The following EPN2 variants were observed in gnomAD, a reference collection of about 807,000 sequenced individuals.
EPN2 encodes the protein epsin-2.
In EPN2, 34 loss-of-function variants were observed where a neutral mutation model predicts 61.7. The observed-to-expected ratio is 0.55, with a 90% confidence interval of 0.42 to 0.73. The LOEUF (loss-of-function observed/expected upper bound fraction) is 0.73, where lower values mean the gene tolerates loss of function less well. Ranked by LOEUF, EPN2 falls within the 30% of genes least tolerant of loss-of-function variation. EPN2 has a pLI of 0.00. For missense variants in EPN2, 714 were observed against 839.2 expected, an observed-to-expected ratio of 0.85 and a Z score of 1.84; for synonymous variants, 349 against 353.6, an observed-to-expected ratio of 0.99 and a Z score of 0.15.
chr17:19,287,287 G>A (rs960657422), intron 4 of EPN2, among the ~76,000 whole-genome samples: 10 of 152,012 alleles, frequency 6.6e-5, no homozygotes, highest in Non-Finnish European at 1.2e-4. Flanking sequence ...TATCCACCCC[G>A]TGTGGATTTA....
chr17:19,238,539 CTG>C (rs1413087848), intron 1 of EPN2, among the ~76,000 whole-genome samples: 1 of 152,164 alleles, frequency 6.6e-6, no homozygotes, highest in African/African-American at 2.4e-5. Context: ...TATCTAAAAT[CTG>C]TGCTTTAAGA....
chr17:19,239,753 G>GAGCT (rs1382602328), intron 1 of EPN2, among the ~76,000 whole-genome samples: 1 of 152,236 alleles, frequency 6.6e-6, no homozygotes, highest in Non-Finnish European at 1.5e-5. Flanking sequence ...GCCAGATGGA[G>GAGCT]AGCTCTGTGG....
chr17:19,308,453 C>G, intron 4 of EPN2: 2 of 982,254 alleles, frequency 2.0e-6, no homozygotes, highest in Non-Finnish European at 2.4e-6. Flanking sequence ...GTGCATGCAC[C>G]TGTCTGTGCA....
At chr17:19,256,099 G>A (rs1432310412) in intron 1 of EPN2, among the ~76,000 whole-genome samples, 1 of 151,704 alleles carries the variant, frequency 6.6e-6, no homozygotes, top group Non-Finnish European at 1.5e-5. Flanking sequence ...CACCACGCCC[G>A]GCTAATTTTT....
chr17:19,311,903 T>G, intron 5 of EPN2, 149 bp from the exon 6 acceptor site: 1 of 668,134 alleles, frequency 1.5e-6, no homozygotes, highest in Non-Finnish European at 2.7e-6. Flanking sequence ...ACATTTGGGA[T>G]TTGAAAGTAA....
chr17:19,237,775 C>T (rs910319116), intron 1 of EPN2, among the ~76,000 whole-genome samples: 1 of 152,092 alleles, frequency 6.6e-6, no homozygotes, highest in Non-Finnish European at 1.5e-5. Flanking sequence ...CAGCTTTCCG[C>T]TGCAAGGATC....
intron 7 of EPN2, among the ~76,000 whole-genome samples, chr17:19,324,036 C>T (rs978258069): frequency 2.6e-5 from 4 of 152,148 alleles, no homozygotes; most frequent in South Asian, 2.1e-4. Flanking sequence ...AAAATTTGAG[C>T]GGCACAATCC....
chr17:19,324,755 G>A (rs1034449947), intron 7 of EPN2, among the ~76,000 whole-genome samples: 7 of 152,094 alleles, frequency 4.6e-5, no homozygotes, highest in Non-Finnish European at 7.3e-5. Context: ...TTACACTGAC[G>A]TAAAATAAAA....
chr17:19,311,303 T>C (rs916597108), intron 5 of EPN2, among the ~76,000 whole-genome samples: 3 of 151,934 alleles, frequency 2.0e-5, no homozygotes, highest in Admixed American at 1.3e-4. Flanking sequence ...CTGAGAAACA[T>C]AGGGACAGAC....
At chr17:19,315,704 C>CA (rs1906351547) in intron 7 of EPN2, among the ~76,000 whole-genome samples, 1 of 152,066 alleles carries the variant, frequency 6.6e-6, no homozygotes, top group South Asian at 2.1e-4. Context: ...GGGCTGGTCT[C>CA]AAACTCCTGA....
rs961741773 is a variant in EPN2 at position 19,285,890 on chromosome 17, C to T, written c.766+100C>T. 31 of 1,410,278 alleles carry T rather than the reference C, an allele frequency of 2.2e-5. No individual in the cohort carries two copies. Among genetic ancestry groups the T allele is most frequent in the Middle Eastern group, 2.4e-4 (1 of 4,232 alleles). The allele number at this position is 1,410,278 out of a possible 1,614,324, so 87.4% of individuals were successfully genotyped here. ...ACAGCCAACTCTCTCCCTGTCTCCT[C>T]TGGGCCTGGGGGTTTGGCCTCCAGC... On this transcript the variant is annotated intron_variant, in intron 4 of 10. Transcript: ENST00000314728. The surrounding 1 kb of genome is among the most constrained non-coding windows in gnomAD (Gnocchi z 4.5).
chr17:19,269,280 A>C (rs2045231250), intron 1 of EPN2, among the ~76,000 whole-genome samples: 2 of 152,204 alleles, frequency 1.3e-5, no homozygotes, highest in South Asian at 4.1e-4. Context: ...AGTAAATAAA[A>C]CACTGGGAAT....
chr17:19,311,372 A>G (rs780786632), intron 5 of EPN2, among the ~76,000 whole-genome samples: 1 of 152,156 alleles, frequency 6.6e-6, no homozygotes, highest in African/African-American at 2.4e-5. Context: ...AGCAAGTTCA[A>G]ACTCCCGTGC....
intron 9 of EPN2, 36 bp from the exon 10 acceptor site, chr17:19,331,817 C>G (rs767498207): frequency 6.4e-7 from 1 of 1,572,874 alleles, no homozygotes; most frequent in Admixed American, 1.7e-5. Context: ...CTCTCCCTGC[C>G]ACACTCACCC....
chr17:19,302,496 A>T (rs1359668470), intron 4 of EPN2, among the ~76,000 whole-genome samples: 1 of 152,176 alleles, frequency 6.6e-6, no homozygotes, highest in African/African-American at 2.4e-5. Flanking sequence ...TGTGAACTGC[A>T]CATGTGAGGG....
At chr17:19,294,957 TA>T (rs1343511648) in intron 4 of EPN2, among the ~76,000 whole-genome samples, 6 of 151,254 alleles carry the variant, frequency 4.0e-5, no homozygotes, top group Non-Finnish European at 7.4e-5. Flanking sequence ...CAGGAGGCAT[TA>T]AAAAAAAATT....
At chr17:19,269,405 A>G (rs2045232229) in intron 1 of EPN2, among the ~76,000 whole-genome samples, 1 of 152,236 alleles carries the variant, frequency 6.6e-6, no homozygotes, top group African/African-American at 2.4e-5. Flanking sequence ...AGATGACAAC[A>G]GCTATTTCAA....
At chr17:19,277,068 G>A (rs1183324054) in intron 1 of EPN2, among the ~76,000 whole-genome samples, 4 of 152,052 alleles carry the variant, frequency 2.6e-5, no homozygotes, top group Non-Finnish European at 4.4e-5. Flanking sequence ...CAAACTATGC[G>A]AAAAAGAGGG....
At chr17:19,255,288 G>T (rs1421009614) in intron 1 of EPN2, among the ~76,000 whole-genome samples, 1 of 152,042 alleles carries the variant, frequency 6.6e-6, no homozygotes, top group Non-Finnish European at 1.5e-5. Context: ...TTATCTTGTG[G>T]AGAGTGTGAA....
Sources: allele counts gnomAD v4.1 joint callset (sites outside exome capture counted in the v4.1 genomes callset), GRCh38; gene constraint gnomAD v4.1.1; non-coding constraint Gnocchi (gnomAD v3.1); transcripts MANE v1.5; gene names NCBI Gene and HGNC (gene_info 2026-07-23, HGNC 2026-07-21).